RBBP8: variants seen among roughly 807,000 people sequenced by gnomAD.
RBBP8 encodes the protein DNA endonuclease RBBP8.
RBBP8 carries 88 observed loss-of-function variants against 108.3 expected under a neutral mutation model. The observed-to-expected ratio is 0.81, with a 90% confidence interval of 0.68 to 0.97. The LOEUF is 0.97. Among genes scored for constraint, RBBP8 ranks in the 50% least tolerant of loss-of-function variants. RBBP8 has a pLI of 0.00. For missense variants in RBBP8, 1,023 were observed against 1,049.0 expected (o/e 0.98, Z 0.34); for synonymous variants, 332 against 348.2 (o/e 0.95, Z 0.52).
rs543800804 is a variant in RBBP8, at chr18:22,960,017, G to A, written c.249-8789G>A. On this transcript the variant is annotated intron_variant, in intron 4 of 18. Transcript: ENST00000327155. ...CACCATTCTCCTGCCTCAGCCTCCC[G>A]AGTAGCTGGGACTACAGGCACCCGC... is the stretch of plus-strand genomic sequence containing the variant. Among the ~76,000 whole-genome samples the A allele has an allele frequency of 1.8e-4, 27 of 151,328 alleles. No homozygotes were observed. In the East Asian group the frequency reaches 3.7e-3, roughly 21 times the overall value.
chr18:22,970,021 A>G (rs926510851), intron 5 of RBBP8, among the ~76,000 whole-genome samples: 2 of 152,212 alleles, frequency 1.3e-5, no homozygotes, highest in African/African-American at 4.8e-5. Flanking sequence ...TTGGATGCTC[A>G]AGTACCTTAT....
At chr18:22,939,225 G>A (rs1255582489) in intron 2 of RBBP8, among the ~76,000 whole-genome samples, 1 of 152,152 alleles carries the variant, frequency 6.6e-6, no homozygotes, top group Non-Finnish European at 1.5e-5. Context: ...TCTTATGGTA[G>A]GCTGGGCACG....
exon 3 of RBBP8, chr18:22,917,016 T>C (rs909660414): frequency 6.6e-6 from 1 of 152,114 alleles, no homozygotes; most frequent in African/African-American, 2.4e-5. Flanking sequence ...ATAGAAGCTG[T>C]TATTGAAGGG....
intron 15 of RBBP8, among the ~76,000 whole-genome samples, chr18:23,005,247 C>T (rs1436679509): frequency 6.6e-6 from 1 of 152,106 alleles, no homozygotes; most frequent in African/African-American, 2.4e-5. Flanking sequence ...TAATTAACAA[C>T]AATATATGTT....
chr18:22,914,903 A>C (rs1909293708), intron 1 of RBBP8, among the ~76,000 whole-genome samples: 1 of 152,178 alleles, frequency 6.6e-6, no homozygotes, highest in Admixed American at 6.6e-5. Context: ...CATGCCTATT[A>C]GGTCTGAAAA....
At chr18:22,936,997 G>C (rs1306212369) in intron 2 of RBBP8, 37 bp downstream of exon 2, 1 of 1,611,320 alleles carries the variant, frequency 6.2e-7, no homozygotes, top group Non-Finnish European at 8.5e-7. Flanking sequence ...GCAGTATTTT[G>C]TTGAGACTGT....
At chr18:22,937,360 C>T (rs142203511) in intron 2 of RBBP8, among the ~76,000 whole-genome samples, 2,478 of 152,140 alleles carry the variant, frequency 0.016, 78 homozygotes, top group African/African-American at 0.057. Flanking sequence ...CATGTTGCTG[C>T]AAAGAAAATA....
intron 1 of RBBP8, 49 bp from the exon 2 acceptor site, chr18:22,936,705 A>T: frequency 2.4e-6 from 2 of 835,878 alleles, no homozygotes; most frequent in South Asian, 1.5e-5. Context: ...ATTTCAAAGT[A>T]CATAAAGATA....
intron 14 of RBBP8, among the ~76,000 whole-genome samples, chr18:22,998,715 G>A (rs1345519041): frequency 6.6e-6 from 1 of 152,198 alleles, no homozygotes; most frequent in African/African-American, 2.4e-5. Flanking sequence ...AAATAAAATA[G>A]TCTTGCCCTG....
At chr18:22,942,016 T>C (rs1911124249) in intron 2 of RBBP8, among the ~76,000 whole-genome samples, 1 of 152,116 alleles carries the variant, frequency 6.6e-6, no homozygotes, top group Non-Finnish European at 1.5e-5. Flanking sequence ...CATATAAAAT[T>C]AGAGTCTCTA....
At chr18:23,026,055 A>T in intron 18 of RBBP8, 88 bp from the exon 19 acceptor site, 1 of 1,033,814 alleles carries the variant, frequency 9.7e-7, no homozygotes, top group Non-Finnish European at 1.5e-6. Flanking sequence ...CTTACAAAGC[A>T]TCAAATAAGA....
intron 5 of RBBP8, among the ~76,000 whole-genome samples, chr18:22,970,063 C>T (rs1459050638): frequency 1.3e-5 from 2 of 152,192 alleles, no homozygotes; most frequent in African/African-American, 2.4e-5. Flanking sequence ...ATATAACCTA[C>T]CCACATTCTC....
Position 22,939,514 on chromosome 18 carries a change from G to A in RBBP8, c.109+2554G>A, listed in dbSNP as rs182121576. On this transcript the variant is annotated intron_variant, in intron 2 of 18. Coordinates refer to ENST00000327155, the MANE Select transcript of RBBP8 (RefSeq NM_002894.3). Reference sequence around the variant, plus strand: ...GCACTCCACCCTGGGCAACAAGAGCGAAACTCCGTCTCAAAAAAAAAAAGA... The same window carrying A: ...GCACTCCACCCTGGGCAACAAGAGCAAAACTCCGTCTCAAAAAAAAAAAGA... Among the ~76,000 whole-genome samples the A allele has an allele frequency of 6.2e-4, 94 of 151,634 alleles. 3 individuals carry two copies. Among genetic ancestry groups the A allele is most frequent in the Admixed American group, 6.0e-3 (91 of 15,230 alleles).
At chr18:22,954,312 T>TAAAGTGGGGAAAAAAA (rs750902752) in intron 4 of RBBP8, among the ~76,000 whole-genome samples, 1 of 152,198 alleles carries the variant, frequency 6.6e-6, no homozygotes, top group Non-Finnish European at 1.5e-5. Flanking sequence ...ACCTCGTAGA[T>TAAAGTGGGGAAAAAAA]ACAGTGGGGA....
At chr18:22,920,667 T>C (rs796283010) in intron 3 of RBBP8, 3 of 152,326 alleles carry the variant, frequency 2.0e-5, no homozygotes, top group African/African-American at 7.2e-5. Context: ...ATAAGATTGA[T>C]TATAACTTTA....
At chr18:22,983,249 C>A (rs1461865579) in intron 7 of RBBP8, among the ~76,000 whole-genome samples, 4 of 152,118 alleles carry the variant, frequency 2.6e-5, no homozygotes, top group Non-Finnish European at 5.9e-5. Context: ...ACAAGGAAAG[C>A]ATGGGGGACG....
chr18:22,940,338 T>C (rs1388393545), intron 2 of RBBP8, among the ~76,000 whole-genome samples: 1 of 77,174 alleles, frequency 1.3e-5, no homozygotes, highest in Non-Finnish European at 2.6e-5. Context: ...TTTTTTTTTT[T>C]GAGACAGAGT....
chr18:22,966,575 TAA>T (rs1324193536), intron 4 of RBBP8, among the ~76,000 whole-genome samples: 3 of 20,048 alleles, frequency 1.5e-4, no homozygotes, highest in Non-Finnish European at 2.6e-4. Context: ...CCCATCTCAT[TAA>T]AAAAAAAAAA....
chr18:22,931,259 A>G (rs1910015171), upstream of RBBP8, among the ~76,000 whole-genome samples: 1 of 152,190 alleles, frequency 6.6e-6, no homozygotes, highest in African/African-American at 2.4e-5. Context: ...CTCCAGGCAG[A>G]GACAATAGCA....
Sources: allele counts gnomAD v4.1 joint callset (sites outside exome capture counted in the v4.1 genomes callset), GRCh38; gene constraint gnomAD v4.1.1; transcripts MANE v1.5; gene names NCBI Gene and HGNC (gene_info 2026-07-23, HGNC 2026-07-21).